Variants in SUPT3H observed in about 807,000 individuals in gnomAD.
SUPT3H encodes the protein SPT3 homolog, SAGA and STAGA complex component.
SUPT3H carries 44 observed loss-of-function variants against 44.3 expected under a neutral mutation model. The ratio of observed to expected loss-of-function variants is 0.99; its 90% CI spans 0.78 to 1.28. The LOEUF (loss-of-function observed/expected upper bound fraction) is 1.28. Among genes scored for constraint, SUPT3H ranks in the 50% most tolerant of loss-of-function variants. SUPT3H has a pLI of 0.00. For missense variants in SUPT3H, 380 were observed against 387.1 expected (o/e 0.98, Z 0.15); for synonymous variants, 124 against 125.6 (o/e 0.99, Z 0.09).
chr6:45,013,322 ATTG>A (rs1481236869), intron 5 of SUPT3H, among the ~76,000 whole-genome samples: 3 of 151,920 alleles, frequency 2.0e-5, no homozygotes, highest in East Asian at 1.9e-4. Context: ...CAGGATCTTC[ATTG>A]TTGTTGTTGT....
At chr6:44,823,194 T>C (rs1767482094), downstream of SUPT3H, among the ~76,000 whole-genome samples, 1 of 152,044 alleles carries the variant, frequency 6.6e-6, no homozygotes, top group Non-Finnish European at 1.5e-5. Context: ...GAGGTGTTAA[T>C]TCAAGACTTG....
In SUPT3H at chr6:45,053,510, G is replaced by T. The variant is rs182013090; in HGVS notation, c.187-32878C>A. 2.0e-3 allele frequency among the ~76,000 whole-genome samples: 297 copies of T among 151,844 alleles called. 1 individual carries two copies. Among genetic ancestry groups the T allele is most frequent in the Non-Finnish European group, 3.5e-3 (238 of 67,948 alleles). ...TGCAAGAAACACAACTCCAAAATAA[G>T]GCATCTTGAAAATTGAGAAAATAGC... On this transcript the variant is annotated intron_variant, in intron 3 of 10. Transcript: ENST00000371459.
chr6:45,049,327 A>AG (rs1294404943), intron 3 of SUPT3H, among the ~76,000 whole-genome samples: 6 of 152,286 alleles, frequency 3.9e-5, no homozygotes, highest in African/African-American at 1.4e-4. Context: ...GGATGCTCCA[A>AG]GGGGCCTCTG....
chr6:44,903,002 A>G (rs1765355706), intron 10 of SUPT3H, among the ~76,000 whole-genome samples: 2 of 152,146 alleles, frequency 1.3e-5, no homozygotes, highest in Admixed American at 1.3e-4. Context: ...GACACAACAT[A>G]CCAGAATCTC....
At chr6:45,186,915 T>C (rs1422654087) in intron 2 of SUPT3H, among the ~76,000 whole-genome samples, 1 of 151,902 alleles carries the variant, frequency 6.6e-6, no homozygotes, top group Non-Finnish European at 1.5e-5. Context: ...CATTAGGTCA[T>C]ACTTTTTAAT....
chr6:45,018,819 G>T (rs1583085545), intron 4 of SUPT3H, among the ~76,000 whole-genome samples: 1 of 151,816 alleles, frequency 6.6e-6, no homozygotes, highest in East Asian at 1.9e-4. Flanking sequence ...TTTTTTGGTT[G>T]TGTCTCTGCC....
intron 3 of SUPT3H, among the ~76,000 whole-genome samples, chr6:45,055,716 A>G (rs1007059667): frequency 2.0e-5 from 3 of 152,164 alleles, no homozygotes; most frequent in African/African-American, 7.2e-5. Context: ...AACCATAAAG[A>G]TTCTAGAGGA....
chr6:45,055,830 T>G (rs534238078), intron 3 of SUPT3H, among the ~76,000 whole-genome samples: 1 of 152,216 alleles, frequency 6.6e-6, no homozygotes, highest in African/African-American at 2.4e-5. Context: ...AGATGGGACT[T>G]AATTAAGCCA....
chr6:45,083,688 C>T (rs1796119865), intron 3 of SUPT3H, among the ~76,000 whole-genome samples: 1 of 150,416 alleles, frequency 6.6e-6, no homozygotes, highest in African/African-American at 2.4e-5. Flanking sequence ...TACCTGACTT[C>T]ATAAGGGTAC....
At chr6:45,163,842 T>C (rs1179213092) in intron 2 of SUPT3H, among the ~76,000 whole-genome samples, 1 of 151,810 alleles carries the variant, frequency 6.6e-6, no homozygotes, top group Non-Finnish European at 1.5e-5. Flanking sequence ...TGCATTTAAT[T>C]ACTTACCTTT....
At chr6:45,112,396 T>A (rs1800189679) in intron 2 of SUPT3H, among the ~76,000 whole-genome samples, 2 of 152,274 alleles carry the variant, frequency 1.3e-5, no homozygotes, top group South Asian at 4.2e-4. Flanking sequence ...CATGTCATTG[T>A]TCCTTAAATT....
chr6:44,870,244 G>C (rs536493961), intron 10 of SUPT3H, among the ~76,000 whole-genome samples: 1 of 152,246 alleles, frequency 6.6e-6, no homozygotes, highest in South Asian at 2.1e-4. Flanking sequence ...TGTATACAGA[G>C]CACAGCAAGA....
intron 3 of SUPT3H, among the ~76,000 whole-genome samples, chr6:45,074,176 C>T (rs1461446611): frequency 6.6e-6 from 1 of 151,888 alleles, no homozygotes; most frequent in African/African-American, 2.4e-5. Context: ...AACAAAAAAG[C>T]TCCACTATCT....
intron 4 of SUPT3H, among the ~76,000 whole-genome samples, chr6:45,015,163 A>C (rs542125862): frequency 6.6e-6 from 1 of 152,252 alleles, no homozygotes; most frequent in Admixed American, 6.6e-5. Context: ...GATCTAAGAA[A>C]TGCCTCCTCA....
chr6:45,181,405 A>T (rs1813148284), intron 2 of SUPT3H, among the ~76,000 whole-genome samples: 1 of 152,010 alleles, frequency 6.6e-6, no homozygotes, highest in South Asian at 2.1e-4. Flanking sequence ...TGCTATAAAG[A>T]CACATGCACA....
At chr6:45,263,377 AG>A (rs1410654999) in intron 2 of SUPT3H, among the ~76,000 whole-genome samples, 10 of 152,228 alleles carry the variant, frequency 6.6e-5, no homozygotes, top group Admixed American at 3.9e-4. Context: ...AAATTAACAA[AG>A]GAACAGTGAA....
chr6:45,280,364 G>C (rs1777797539), intron 2 of SUPT3H, among the ~76,000 whole-genome samples: 1 of 152,012 alleles, frequency 6.6e-6, no homozygotes. Flanking sequence ...AAGTTAGCCA[G>C]GAAACATAGC....
intron 3 of SUPT3H, among the ~76,000 whole-genome samples, chr6:45,057,524 T>C (rs574333433): frequency 6.6e-6 from 1 of 152,174 alleles, no homozygotes; most frequent in African/African-American, 2.4e-5. Flanking sequence ...AAAAACCTAA[T>C]AGAGCCTGAC....
At chr6:44,831,075 C>G (rs909884407) in intron 10 of SUPT3H, among the ~76,000 whole-genome samples, 7 of 152,132 alleles carry the variant, frequency 4.6e-5, no homozygotes, top group African/African-American at 1.7e-4. Flanking sequence ...TTCTAGATAA[C>G]CTTCTCTTAA....
Sources: allele counts gnomAD v4.1 joint callset (sites outside exome capture counted in the v4.1 genomes callset), GRCh38; gene constraint gnomAD v4.1.1; transcripts MANE v1.5; gene names NCBI Gene and HGNC (gene_info 2026-07-23, HGNC 2026-07-21).